NSUN6: variants seen among roughly 807,000 people sequenced by gnomAD.
The protein encoded by NSUN6 is tRNA (cytosine(72)-C(5))-methyltransferase NSUN6.
A neutral mutation model predicts 58.0 loss-of-function variants in NSUN6; 64 were observed. That is an observed-to-expected ratio of 1.10 (90% CI 0.90 to 1.36). NSUN6 has a LOEUF of 1.36. NSUN6 is among the 40% of genes most tolerant of loss of function. The probability of loss-of-function intolerance (pLI) is 0.00; values close to 1 mark genes in which losing one functional copy is unlikely to be tolerated. For synonymous variants in NSUN6, 231 were observed against 193.9 expected, an observed-to-expected ratio of 1.19 and a Z score of -1.59; for missense variants, 701 against 550.1, an observed-to-expected ratio of 1.27 and a Z score of -2.74.
rs959094030 is a variant in NSUN6 at position 18,580,036 on chromosome 10, T to C, written c.922+5913A>G. Among the ~76,000 whole-genome samples the C allele has an allele frequency of 2.0e-5, 3 of 152,180 alleles. No homozygotes were observed. In the East Asian group the frequency reaches 5.8e-4, roughly 29 times the overall value. ...AACTACACCTAGGGATCTCTGAAAC[T>C]GTATTACTTTGAGGTGGTGTGTAAT... On this transcript the variant is annotated intron_variant, in intron 8 of 10. Coordinates refer to ENST00000377304, the MANE Select transcript of NSUN6 (RefSeq NM_182543.5).
chr10:18,627,276 G>A (rs1590122175), intron 3 of NSUN6, among the ~76,000 whole-genome samples: 1 of 152,168 alleles, frequency 6.6e-6, no homozygotes, highest in Admixed American at 6.5e-5. Context: ...ATTGTTTACT[G>A]TATATAAAGT....
intron 8 of NSUN6, among the ~76,000 whole-genome samples, chr10:18,573,410 C>A (rs1014288975): frequency 6.6e-6 from 1 of 150,644 alleles, no homozygotes. Context: ...CCTTCCATTC[C>A]ATCGGTTCCA....
intron 3 of NSUN6, among the ~76,000 whole-genome samples, chr10:18,623,049 A>G (rs1464086927): frequency 6.6e-6 from 1 of 152,224 alleles, no homozygotes; most frequent in African/African-American, 2.4e-5. Flanking sequence ...TCATTAAATT[A>G]CCAGACAAAA....
intron 10 of NSUN6, among the ~76,000 whole-genome samples, chr10:18,546,723 C>T (rs759265657): frequency 6.6e-6 from 1 of 151,860 alleles, no homozygotes; most frequent in Non-Finnish European, 1.5e-5. Flanking sequence ...ACCAAAAATA[C>T]AAAAATTAGC....
intron 8 of NSUN6, among the ~76,000 whole-genome samples, chr10:18,576,738 C>T (rs1286290068): frequency 6.6e-6 from 1 of 152,156 alleles, no homozygotes; most frequent in Non-Finnish European, 1.5e-5. Context: ...TTTTTAAGAG[C>T]TTACCAGTCA....
intron 8 of NSUN6, among the ~76,000 whole-genome samples, chr10:18,560,500 G>T (rs1223327149): frequency 6.6e-6 from 1 of 150,740 alleles, no homozygotes; most frequent in Non-Finnish European, 1.5e-5. Context: ...AATGGAGAAA[G>T]GAATAGAAAA....
At chr10:18,658,878 A>G (rs917981350), upstream of NSUN6, among the ~76,000 whole-genome samples, 1 of 152,326 alleles carries the variant, frequency 6.6e-6, no homozygotes, top group East Asian at 1.9e-4. Context: ...GCATAAGCCA[A>G]TGAATGAATA....
intron 5 of NSUN6, among the ~76,000 whole-genome samples, chr10:18,613,578 G>C (rs978680507): frequency 6.6e-6 from 1 of 152,096 alleles, no homozygotes; most frequent in Non-Finnish European, 1.5e-5. Flanking sequence ...ACCAATTACA[G>C]GTCCAAAGAT....
intron 6 of NSUN6, among the ~76,000 whole-genome samples, chr10:18,606,197 C>T (rs918042812): frequency 6.6e-6 from 1 of 152,112 alleles, no homozygotes; most frequent in African/African-American, 2.4e-5. Context: ...GTGCAAAATA[C>T]ACAAACAGCA....
At chr10:18,559,256 C>T (rs781044946) in intron 8 of NSUN6, among the ~76,000 whole-genome samples, 21 of 134,824 alleles carry the variant, frequency 1.6e-4, no homozygotes, top group African/African-American at 4.8e-4. Context: ...GAGAATGTAA[C>T]GGATGGAGAA....
chr10:18,633,093 C>T (rs1233732934), intron 3 of NSUN6, among the ~76,000 whole-genome samples: 18 of 151,794 alleles, frequency 1.2e-4, no homozygotes, highest in South Asian at 4.2e-4. Flanking sequence ...ATGATGAGTT[C>T]GTGTCCTTTG....
At chr10:18,558,033 T>TG (rs2055178651) in intron 8 of NSUN6, among the ~76,000 whole-genome samples, 1 of 145,442 alleles carries the variant, frequency 6.9e-6, no homozygotes, top group Non-Finnish European at 1.5e-5. Flanking sequence ...TGAAATAGAA[T>TG]GGAGAATGGA....
intron 8 of NSUN6, among the ~76,000 whole-genome samples, chr10:18,553,930 T>TATGGA (rs997419215): frequency 4.3e-5 from 6 of 138,722 alleles, no homozygotes; most frequent in East Asian, 4.5e-4. Context: ...TGGAGAACGG[T>TATGGA]ATGGAATGGA....
At chr10:18,559,153 G>A (rs1459323803) in intron 8 of NSUN6, among the ~76,000 whole-genome samples, 1 of 148,664 alleles carries the variant, frequency 6.7e-6, no homozygotes, top group African/African-American at 2.5e-5. Context: ...AGAATGGAAT[G>A]CAGAATGGAA....
chr10:18,627,094 T>C (rs1212248861), intron 3 of NSUN6, among the ~76,000 whole-genome samples: 1 of 152,216 alleles, frequency 6.6e-6, no homozygotes, highest in Non-Finnish European at 1.5e-5. Flanking sequence ...CATTCAGTTT[T>C]CTCCTGAAGT....
intron 10 of NSUN6, among the ~76,000 whole-genome samples, chr10:18,547,793 T>A (rs949307425): frequency 1.4e-5 from 1 of 70,132 alleles, no homozygotes; most frequent in African/African-American, 4.4e-5. Context: ...AATACAGGAC[T>A]GGGAAGGAGA....
chr10:18,602,506 T>C (rs2057885232), intron 6 of NSUN6, among the ~76,000 whole-genome samples: 1 of 152,066 alleles, frequency 6.6e-6, no homozygotes, highest in Admixed American at 6.6e-5. Context: ...AGTGCTAGGA[T>C]TACAGGCGTA....
chr10:18,553,232 G>C (rs957318684), intron 8 of NSUN6, among the ~76,000 whole-genome samples: 2 of 147,462 alleles, frequency 1.4e-5, no homozygotes, highest in African/African-American at 5.0e-5. Context: ...TGCTCCATTC[G>C]ATTCCATTTC....
intron 2 of NSUN6, among the ~76,000 whole-genome samples, chr10:18,645,676 C>T (rs899248995): frequency 2.4e-4 from 37 of 152,116 alleles, no homozygotes; most frequent in Admixed American, 3.9e-4. Context: ...ATGAGTAGTG[C>T]TGCTATGAAC....
Sources: gnomAD v4.1 joint callset for allele counts (sites outside exome capture counted in the v4.1 genomes callset) on GRCh38, gnomAD v4.1.1 for gene constraint, MANE v1.5 for transcripts, NCBI Gene and HGNC (gene_info 2026-07-23, HGNC 2026-07-21) for gene names.